Variants in CACNB4 observed in about 807,000 individuals in gnomAD.
The protein encoded by CACNB4 is calcium voltage-gated channel auxiliary subunit beta 4, also known as voltage-dependent L-type calcium channel subunit beta-4.
In CACNB4, 32 loss-of-function variants were observed where a neutral mutation model predicts 71.2. The observed-to-expected ratio is 0.45, with a 90% CI of 0.34 to 0.60. CACNB4 has a LOEUF of 0.60. Ranked by LOEUF, CACNB4 falls within the 20% of genes least tolerant of loss-of-function variation. The pLI is 0.01. For synonymous variants in CACNB4, 231 were observed against 236.9 expected (o/e 0.97, Z 0.23); for missense variants, 464 against 647.9 (o/e 0.72, Z 3.08).
At chr2:151,895,706 CT>C (rs1392979674) in intron 2 of CACNB4, among the ~76,000 whole-genome samples, 8 of 151,768 alleles carry the variant, frequency 5.3e-5, no homozygotes, top group Admixed American at 1.3e-4. Context: ...TTAAGATTAC[CT>C]GCATTAACCC....
At chr2:151,934,620 C>T (rs1274617501) in intron 2 of CACNB4, among the ~76,000 whole-genome samples, 3 of 152,120 alleles carry the variant, frequency 2.0e-5, no homozygotes, top group Non-Finnish European at 4.4e-5. Flanking sequence ...GGGCGGATCA[C>T]GAGATCAAGA....
At chr2:151,956,054 C>A (rs58002648) in intron 2 of CACNB4, among the ~76,000 whole-genome samples, 14,005 of 152,142 alleles carry the variant, frequency 0.092, 1,551 homozygotes, top group East Asian at 0.57. Context: ...ATTGCTTACT[C>A]GTACAAACTG....
chr2:151,965,558 G>A (rs980130491), intron 2 of CACNB4, among the ~76,000 whole-genome samples: 3 of 152,150 alleles, frequency 2.0e-5, no homozygotes, highest in Admixed American at 1.3e-4. Flanking sequence ...AAATATTCTT[G>A]ATGATTAAGC....
intron 2 of CACNB4, chr2:152,048,935 G>T (rs931286687): frequency 3.9e-5 from 6 of 152,214 alleles, no homozygotes; most frequent in Middle Eastern, 6.3e-3. Context: ...ATACTCTCAG[G>T]TGACTGTATG....
At chr2:152,082,696 T>C (rs999649001) in intron 2 of CACNB4, among the ~76,000 whole-genome samples, 1 of 152,224 alleles carries the variant, frequency 6.6e-6, no homozygotes, top group Non-Finnish European at 1.5e-5. Context: ...TCAGGCAGTC[T>C]CCCCTGTATC....
At chr2:151,905,149 A>G (rs1269010993) in intron 2 of CACNB4, among the ~76,000 whole-genome samples, 1 of 152,178 alleles carries the variant, frequency 6.6e-6, no homozygotes, top group East Asian at 1.9e-4. Context: ...AGATGAACCT[A>G]AAATATTAAA....
intron 2 of CACNB4, among the ~76,000 whole-genome samples, chr2:151,951,113 A>G (rs1208841954): frequency 1.3e-5 from 2 of 152,032 alleles, no homozygotes; most frequent in African/African-American, 2.4e-5. Context: ...TTCAGTAGAG[A>G]CGGGGTTTCG....
At chr2:151,934,746 A>T (rs2099862515) in intron 2 of CACNB4, among the ~76,000 whole-genome samples, 1 of 152,224 alleles carries the variant, frequency 6.6e-6, no homozygotes, top group South Asian at 2.1e-4. Flanking sequence ...CTGAGGCAAG[A>T]GAACTGCTTG....
chr2:151,909,423 G>A (rs560225128), intron 2 of CACNB4, among the ~76,000 whole-genome samples: 5 of 145,256 alleles, frequency 3.4e-5, no homozygotes, highest in East Asian at 4.0e-4. Context: ...GCGACACAGC[G>A]AGACTCCATC....
chr2:152,023,284 A>C (rs1249856043), intron 2 of CACNB4, among the ~76,000 whole-genome samples: 1 of 152,048 alleles, frequency 6.6e-6, no homozygotes, highest in African/African-American at 2.4e-5. Context: ...TGCCCTCAAC[A>C]CGTGGGGATT....
intron 2 of CACNB4, among the ~76,000 whole-genome samples, chr2:152,056,277 C>T (rs1183229664): frequency 1.3e-5 from 2 of 151,160 alleles, no homozygotes; most frequent in Non-Finnish European, 2.9e-5. Flanking sequence ...AGGAGAATGG[C>T]ATGAACCCAG....
intron 2 of CACNB4, among the ~76,000 whole-genome samples, chr2:151,904,735 A>G (rs1218478604): frequency 1.3e-5 from 2 of 152,144 alleles, no homozygotes; most frequent in Admixed American, 1.3e-4. Context: ...GGGTTTCACC[A>G]TGTTGGCCAG....
intron 2 of CACNB4, among the ~76,000 whole-genome samples, chr2:152,051,829 T>G (rs528734083): frequency 1.2e-4 from 19 of 152,342 alleles, no homozygotes; most frequent in African/African-American, 4.1e-4. Context: ...TCCCCCGACC[T>G]TGGCAATCAC....
chr2:151,983,638 C>T (rs1421650200), intron 2 of CACNB4, among the ~76,000 whole-genome samples: 1 of 148,080 alleles, frequency 6.8e-6, no homozygotes, highest in African/African-American at 2.4e-5. Flanking sequence ...AGGTATGTCT[C>T]GTAAGTCCAA....
intron 4 of CACNB4, among the ~76,000 whole-genome samples, chr2:151,878,550 T>TACACACACACACACACACACAC (rs60040188): frequency 0.016 from 2,030 of 129,898 alleles, 49 homozygotes; most frequent in African/African-American, 0.036. Flanking sequence ...AGACCCTGTC[T>TACACACACACACACACACACAC]ACACACACAC....
chr2:151,908,235 C>T (rs946649290), intron 2 of CACNB4, among the ~76,000 whole-genome samples: 1 of 152,212 alleles, frequency 6.6e-6, no homozygotes, highest in African/African-American at 2.4e-5. Flanking sequence ...TCATTTGCTG[C>T]TAATTTCTGT....
At chr2:151,851,398 T>C (rs985958100) in intron 12 of CACNB4, 11 of 152,204 alleles carry the variant, frequency 7.2e-5, no homozygotes, top group Admixed American at 7.2e-4. Context: ...TTCCAGGTTA[T>C]CTTACCAATT....
intron 2 of CACNB4, chr2:151,972,582 C>T (rs184866286): frequency 6.6e-6 from 1 of 152,314 alleles, no homozygotes; most frequent in East Asian, 1.9e-4. Context: ...AGAGAAAACA[C>T]ACAGACAGGA....
chr2:152,093,400 G>GGTGTGTGTGTGTGTGTGTGTGTGTGTGT (rs34845177), intron 2 of CACNB4, among the ~76,000 whole-genome samples: 3 of 146,556 alleles, frequency 2.0e-5, no homozygotes, highest in African/African-American at 7.5e-5. Flanking sequence ...GCTGTTTTTT[G>GGTGTGTGTGTGTGTGTGTGTGTGTGTGT]GTGTGTGTGT....
Sources: allele counts gnomAD v4.1 joint callset (sites outside exome capture counted in the v4.1 genomes callset), GRCh38; gene constraint gnomAD v4.1.1; transcripts MANE v1.5; gene names NCBI Gene and HGNC (gene_info 2026-07-23, HGNC 2026-07-21).